Variants in SERPINI1 observed in about 807,000 individuals in gnomAD.
SERPINI1 encodes the protein serpin family I member 1, also known as neuroserpin.
A neutral mutation model predicts 41.1 loss-of-function variants in SERPINI1; 19 were observed. The observed-to-expected ratio is 0.46, with a 90% confidence interval of 0.32 to 0.68. The LOEUF (loss-of-function observed/expected upper bound fraction) is 0.68, where lower values mean the gene tolerates loss of function less well. SERPINI1 is among the 30% of genes least tolerant of loss of function. The pLI, the probability that SERPINI1 is intolerant of heterozygous loss-of-function variation, is 0.03. For missense variants in SERPINI1, 460 were observed against 479.2 expected, an observed-to-expected ratio of 0.96 and a Z score of 0.37; for synonymous variants, 138 against 156.6, an observed-to-expected ratio of 0.88 and a Z score of 0.89.
intron 1 of SERPINI1, chr3:167,736,223 C>T (rs1454164902): frequency 1.3e-5 from 2 of 152,184 alleles, no homozygotes; most frequent in Non-Finnish European, 2.9e-5. Context: ...TTGCATTCTT[C>T]TTCAGTGTCT....
chr3:167,790,538 G>C lies in SERPINI1; in HGVS notation c.417G>C (p.Val139=), dbSNP rs781095593. ...ATTTTAATGCAGCAGTAAATCATGTGGACTTCAGTCAAAATGTAGCCGTGG... is the reference window on the plus strand; with the variant it reads ...ATTTTAATGCAGCAGTAAATCATGTCGACTTCAGTCAAAATGTAGCCGTGG... ...KKYFNAAVNH[V]DFSQNVAVAN... The change falls in exon 3 of 9, where the codon GTG becomes GTC. Residue 139 remains valine (V), a synonymous_variant. Transcript: ENST00000446050. 3.1e-6 allele frequency: 5 copies of C among 1,613,932 alleles called. No homozygotes were observed. The South Asian group carries it at 5.5e-5, about 18-fold the overall frequency.
intron 1 of SERPINI1, among the ~76,000 whole-genome samples, chr3:167,781,659 T>TA (rs1553773748): frequency 1.9e-4 from 25 of 132,260 alleles, no homozygotes; most frequent in Non-Finnish European, 3.2e-4. Flanking sequence ...TTTTTTTTTT[T>TA]ACTGGAGAAA....
chr3:167,822,888 T>TCCCA (rs1712384544), intron 6 of SERPINI1, 98 bp from the exon 7 acceptor site: 1 of 727,356 alleles, frequency 1.4e-6, no homozygotes, highest in African/African-American at 1.8e-5. Flanking sequence ...TTCTTCAGTA[T>TCCCA]CCCAGTCTCT....
At chr3:167,809,031 T>C (rs1439068689) in intron 6 of SERPINI1, among the ~76,000 whole-genome samples, 1 of 152,158 alleles carries the variant, frequency 6.6e-6, no homozygotes, top group African/African-American at 2.4e-5. Flanking sequence ...ATAGAGCTTT[T>C]CTAAATGTCT....
At chr3:167,810,865 T>C (rs1476209730) in intron 6 of SERPINI1, among the ~76,000 whole-genome samples, 1 of 152,204 alleles carries the variant, frequency 6.6e-6, no homozygotes, top group African/African-American at 2.4e-5. Flanking sequence ...TGTCATAGTT[T>C]AAGTCCTTTG....
chr3:167,793,871 T>TGTGTGTGTGTGTGTGTG (rs1727627317), intron 4 of SERPINI1, among the ~76,000 whole-genome samples: 2 of 151,030 alleles, frequency 1.3e-5, no homozygotes, highest in African/African-American at 4.9e-5. Flanking sequence ...TGTGTGTGTG[T>TGTGTGTGTGTGTGTGTG]TAATTTGGCT....
intron 6 of SERPINI1, among the ~76,000 whole-genome samples, chr3:167,812,065 A>G (rs1352003695): frequency 2.0e-5 from 3 of 151,916 alleles, no homozygotes; most frequent in Non-Finnish European, 4.4e-5. Context: ...TTTTGCTAAG[A>G]CCTCTCAAGT....
In SERPINI1 at chr3:167,789,102, G is replaced by GT; in HGVS notation, c.-18-3dup. ...ACTAATAATTAATATGTAAATTGTT[G>GT]TTTTTTAGGCTTGAAACTGTTACAA... On this transcript the variant is annotated splice_polypyrimidine_tract_variant and intron_variant, in intron 1 of 8. Coordinates refer to ENST00000446050, the MANE Select transcript of SERPINI1 (RefSeq NM_001122752.2). 6.2e-7 allele frequency: 1 copy of GT among 1,611,754 alleles called. No homozygotes were observed. Among genetic ancestry groups the GT allele is most frequent in the Non-Finnish European group, 8.5e-7 (1 of 1,179,548 alleles).
intron 1 of SERPINI1, among the ~76,000 whole-genome samples, chr3:167,748,836 T>C (rs1290476609): frequency 6.6e-6 from 1 of 151,740 alleles, no homozygotes; most frequent in Non-Finnish European, 1.5e-5. Context: ...AGTACCATGC[T>C]CTGTTGTCTT....
intron 6 of SERPINI1, among the ~76,000 whole-genome samples, chr3:167,808,581 A>G (rs1357457940): frequency 6.6e-6 from 1 of 152,178 alleles, no homozygotes; most frequent in African/African-American, 2.4e-5. Context: ...CAAATTTCCA[A>G]ATAGCACTGA....
In SERPINI1 at chr3:167,801,345, G is replaced by A. The variant is rs1054826302; in HGVS notation, c.882-5899G>A. On this transcript the variant is annotated intron_variant, in intron 5 of 8. Coordinates refer to ENST00000446050, the MANE Select transcript of SERPINI1 (RefSeq NM_001122752.2). ...TACATTGTATGCCTTTATTAAAATA[G>A]GCATGCCCTTTGGCTTTATAAAAGC... 4.6e-5 allele frequency among the ~76,000 whole-genome samples: 7 copies of A among 152,250 alleles called. No individual in the cohort carries two copies. In the East Asian group the frequency reaches 1.2e-3, roughly 25 times the overall value.
At chr3:167,779,282 C>T (rs1727047723) in intron 1 of SERPINI1, among the ~76,000 whole-genome samples, 2 of 152,084 alleles carry the variant, frequency 1.3e-5, no homozygotes, top group African/African-American at 4.8e-5. Context: ...GCAAAACGAA[C>T]ACATATCAAA....
chr3:167,742,597 T>C (rs1221848440), intron 1 of SERPINI1, among the ~76,000 whole-genome samples: 2 of 152,110 alleles, frequency 1.3e-5, no homozygotes, highest in Non-Finnish European at 2.9e-5. Flanking sequence ...CCCCGGCAGA[T>C]GTCCACTGTG....
chr3:167,737,047 T>C (rs1725482683), intron 1 of SERPINI1, among the ~76,000 whole-genome samples: 1 of 152,104 alleles, frequency 6.6e-6, no homozygotes, highest in Non-Finnish European at 1.5e-5. Context: ...AATGGAGTAA[T>C]TGTCTTGTTT....
At chr3:167,786,870 C>T (rs1727333035) in intron 1 of SERPINI1, among the ~76,000 whole-genome samples, 1 of 152,120 alleles carries the variant, frequency 6.6e-6, no homozygotes, top group South Asian at 2.1e-4. Flanking sequence ...TATTCACTTA[C>T]CTCTTACTCA....
intron 6 of SERPINI1, among the ~76,000 whole-genome samples, chr3:167,820,844 A>C (rs1406529274): frequency 6.6e-6 from 1 of 152,164 alleles, no homozygotes; most frequent in East Asian, 1.9e-4. Flanking sequence ...AGTTCTGTGG[A>C]CCAGAATGAG....
At chr3:167,764,502 A>G (rs1577405548) in intron 1 of SERPINI1, among the ~76,000 whole-genome samples, 1 of 152,288 alleles carries the variant, frequency 6.6e-6, no homozygotes, top group East Asian at 1.9e-4. Flanking sequence ...ACTTGCCCCC[A>G]TGGTGCAATT....
At chr3:167,804,980 A>G (rs1018925909) in intron 5 of SERPINI1, among the ~76,000 whole-genome samples, 3 of 152,170 alleles carry the variant, frequency 2.0e-5, no homozygotes, top group Non-Finnish European at 4.4e-5. Context: ...ACTATTTTTT[A>G]AGTTAATATT....
At chr3:167,791,381 T>G (rs550453369) in intron 3 of SERPINI1, among the ~76,000 whole-genome samples, 1 of 152,286 alleles carries the variant, frequency 6.6e-6, no homozygotes, top group Admixed American at 6.5e-5. Flanking sequence ...AGATACTCAA[T>G]ATCCCTTAAT....
Sources: allele counts gnomAD v4.1 joint callset (sites outside exome capture counted in the v4.1 genomes callset), GRCh38; gene constraint gnomAD v4.1.1; transcripts MANE v1.5; gene names NCBI Gene and HGNC (gene_info 2026-07-23, HGNC 2026-07-21).